The following TAFA1 variants were observed in gnomAD, a reference collection of about 807,000 sequenced individuals.
TAFA1 encodes the protein TAFA chemokine like family member 1, also known as chemokine-like protein TAFA-1.
TAFA1 carries 4 observed loss-of-function variants against 18.5 expected under a neutral mutation model. The observed-to-expected ratio is 0.22, with a 90% CI of 0.11 to 0.49. TAFA1 has a LOEUF of 0.49. Ranked by LOEUF, TAFA1 falls within the 20% of genes least tolerant of loss-of-function variation. The pLI, the probability that TAFA1 is intolerant of heterozygous loss-of-function variation, is 0.98. For synonymous variants in TAFA1, 56 were observed against 55.2 expected (o/e 1.01, Z -0.06); for missense variants, 147 against 169.0 (o/e 0.87, Z 0.72).
intron 2 of TAFA1, among the ~76,000 whole-genome samples, chr3:68,271,850 A>T (rs1480037153): frequency 6.6e-6 from 1 of 151,848 alleles, no homozygotes; most frequent in Non-Finnish European, 1.5e-5. Flanking sequence ...ACACACACAC[A>T]CACACACACA....
chr3:68,498,966 A>G (rs1242782427), intron 3 of TAFA1, among the ~76,000 whole-genome samples: 2 of 152,038 alleles, frequency 1.3e-5, no homozygotes, highest in African/African-American at 2.4e-5. Context: ...TGACATGTAT[A>G]GGCTGGGGCC....
intron 2 of TAFA1, among the ~76,000 whole-genome samples, chr3:68,371,141 CTTA>C (rs1344046889): frequency 6.6e-6 from 1 of 152,100 alleles, no homozygotes; most frequent in East Asian, 1.9e-4. Flanking sequence ...TGGGTCCACT[CTTA>C]TTATAAAGAA....
intron 2 of TAFA1, among the ~76,000 whole-genome samples, chr3:68,213,579 A>G (rs2066620136): frequency 6.6e-6 from 1 of 152,090 alleles, no homozygotes; most frequent in South Asian, 2.1e-4. Flanking sequence ...GGCCTGGAGT[A>G]TATGAAAGAT....
chr3:68,020,132 T>C (rs1028886704), intron 2 of TAFA1, among the ~76,000 whole-genome samples: 2 of 152,242 alleles, frequency 1.3e-5, no homozygotes, highest in Admixed American at 6.5e-5. Context: ...GTTCCTGGGA[T>C]AGGCTGTTCT....
intron 2 of TAFA1, among the ~76,000 whole-genome samples, chr3:68,231,243 A>C (rs555298815): frequency 2.5e-4 from 38 of 152,198 alleles, no homozygotes; most frequent in Non-Finnish European, 4.7e-4. Context: ...AAAATTGAAC[A>C]AATGAACAAC....
At chr3:68,463,805 T>C (rs1249240670) in intron 3 of TAFA1, among the ~76,000 whole-genome samples, 1 of 152,194 alleles carries the variant, frequency 6.6e-6, no homozygotes, top group Non-Finnish European at 1.5e-5. Context: ...CCGTGTTCCA[T>C]ATCTACTGAA....
chr3:68,054,857 T>C (rs1302621313), intron 2 of TAFA1, among the ~76,000 whole-genome samples: 1 of 152,212 alleles, frequency 6.6e-6, no homozygotes, highest in African/African-American at 2.4e-5. Context: ...TATTTTAAGA[T>C]CTAAGGTTAT....
intron 2 of TAFA1, among the ~76,000 whole-genome samples, chr3:68,385,974 T>G (rs1449653858): frequency 6.6e-6 from 1 of 152,120 alleles, no homozygotes; most frequent in Non-Finnish European, 1.5e-5. Context: ...CTGTATAATA[T>G]ATTAGTGTTA....
At chr3:68,207,371 T>A (rs1216638423) in intron 2 of TAFA1, among the ~76,000 whole-genome samples, 1 of 151,884 alleles carries the variant, frequency 6.6e-6, no homozygotes, top group Non-Finnish European at 1.5e-5. Flanking sequence ...ATCAGAAAAA[T>A]TCATAAAAGT....
chr3:68,323,305 C>T (rs1447914784), intron 2 of TAFA1, among the ~76,000 whole-genome samples: 1 of 152,166 alleles, frequency 6.6e-6, no homozygotes, highest in Non-Finnish European at 1.5e-5. Context: ...ACCTACCCAG[C>T]TGTAAACAAT....
rs552882014 is a variant in TAFA1 at position 68,538,016 on chromosome 3, T to A, written c.260-740T>A. ...GTTTGGTGGGCAGGGGGCTAGGGAA[T>A]GGGGAATGTTGATTGGGGTTGAAAT... On this transcript the variant is annotated intron_variant, in intron 3 of 4. Coordinates refer to ENST00000478136, the MANE Select transcript of TAFA1 (RefSeq NM_213609.4). Among the ~76,000 whole-genome samples the A allele has an allele frequency of 5.3e-5, 8 of 152,154 alleles. No homozygotes were observed. The South Asian group carries it at 1.7e-3, about 32-fold the overall frequency.
chr3:68,285,866 T>C (rs887956512), intron 2 of TAFA1, among the ~76,000 whole-genome samples: 2 of 152,178 alleles, frequency 1.3e-5, no homozygotes, highest in Admixed American at 1.3e-4. Flanking sequence ...TGGCCAATCA[T>C]TGAATATACG....
At chr3:68,380,552 C>G (rs1280836683) in intron 2 of TAFA1, among the ~76,000 whole-genome samples, 3 of 152,112 alleles carry the variant, frequency 2.0e-5, no homozygotes, top group African/African-American at 7.2e-5. Flanking sequence ...GTTTTTTTGG[C>G]TGCATAAATA....
At chr3:68,106,423 A>G (rs2065205653) in intron 2 of TAFA1, among the ~76,000 whole-genome samples, 2 of 152,110 alleles carry the variant, frequency 1.3e-5, no homozygotes, top group Admixed American at 1.3e-4. Flanking sequence ...GTTTTAATTT[A>G]ATTTGATTTG....
intron 2 of TAFA1, among the ~76,000 whole-genome samples, chr3:68,128,237 A>C (rs1227613252): frequency 6.6e-6 from 1 of 152,142 alleles, no homozygotes; most frequent in Non-Finnish European, 1.5e-5. Context: ...ATACTAATCT[A>C]ACATCTTGCA....
chr3:68,158,738 A>C (rs1230190414), intron 2 of TAFA1, among the ~76,000 whole-genome samples: 4 of 152,168 alleles, frequency 2.6e-5, no homozygotes, highest in African/African-American at 9.7e-5. Flanking sequence ...TGCCATTTGC[A>C]TATTACTTCT....
intron 2 of TAFA1, among the ~76,000 whole-genome samples, chr3:68,360,297 T>C (rs1185554070): frequency 6.6e-6 from 1 of 151,978 alleles, no homozygotes; most frequent in Non-Finnish European, 1.5e-5. Context: ...TGCAAGACTT[T>C]TATGATTAAC....
intron 3 of TAFA1, among the ~76,000 whole-genome samples, chr3:68,455,550 G>A (rs925558958): frequency 4.6e-5 from 7 of 151,972 alleles, no homozygotes; most frequent in African/African-American, 1.2e-4. Context: ...ATCAGGTTTC[G>A]ATGCATTCAT....
intron 3 of TAFA1, among the ~76,000 whole-genome samples, chr3:68,495,229 G>T (rs753496000): frequency 6.6e-5 from 10 of 152,162 alleles, no homozygotes; most frequent in Non-Finnish European, 1.2e-4. Context: ...AAACCCATTT[G>T]TGCCTGTAGC....
Sources: allele counts gnomAD v4.1 joint callset (sites outside exome capture counted in the v4.1 genomes callset), GRCh38; gene constraint gnomAD v4.1.1; transcripts MANE v1.5; gene names NCBI Gene and HGNC (gene_info 2026-07-23, HGNC 2026-07-21).